The following MARCHF4 variants were observed in gnomAD, a reference collection of about 807,000 sequenced individuals.
MARCHF4 encodes the protein E3 ubiquitin-protein ligase MARCHF4.
Under a neutral mutation model 43.9 loss-of-function variants are expected in MARCHF4, and 14 were observed. The ratio of observed to expected loss-of-function variants is 0.32; its 90% CI spans 0.21 to 0.50. The LOEUF (loss-of-function observed/expected upper bound fraction) is 0.50, where lower values mean the gene tolerates loss of function less well. Among genes scored for constraint, MARCHF4 ranks in the 20% least tolerant of loss-of-function variants. The pLI, the probability that MARCHF4 is intolerant of heterozygous loss-of-function variation, is 0.98. For missense variants in MARCHF4, 468 were observed against 536.7 expected, an observed-to-expected ratio of 0.87 and a Z score of 1.27; for synonymous variants, 226 against 213.3, an observed-to-expected ratio of 1.06 and a Z score of -0.52.
chr2:216,339,995 C>T (rs74988404), intron 1 of MARCHF4, among the ~76,000 whole-genome samples: 2,709 of 152,176 alleles, frequency 0.018, 35 homozygotes, highest in Middle Eastern at 0.034. Context: ...CTCCCCAGCA[C>T]CCACCCCCTT....
intron 1 of MARCHF4, among the ~76,000 whole-genome samples, chr2:216,332,194 C>G (rs1022282558): frequency 1.3e-5 from 2 of 152,048 alleles, no homozygotes; most frequent in Admixed American, 1.3e-4. Flanking sequence ...AATTTGAGAT[C>G]AGCCTGGGCA....
rs747489777 is a variant in MARCHF4 at position 216,259,333 on chromosome 2, G to T, written c.1212C>A (p.Val404=). 10 of 1,559,090 alleles carry T rather than the reference G, an allele frequency of 6.4e-6. No individual in the cohort carries two copies. The highest frequency in any genetic ancestry group is 1.2e-5 in the South Asian group (1 of 82,144). The change falls in exon 4 of 4, where the codon GTC becomes GTA. Residue 404 remains valine (V), a synonymous_variant. Coordinates refer to ENST00000273067, the MANE Select transcript of MARCHF4 (RefSeq NM_020814.3). ...GCTCTCACACTGTCGTGACTCTCATGACCAGCTCTCGGCTGCTGCCTGGGG... is the reference window on the plus strand; with the variant it reads ...GCTCTCACACTGTCGTGACTCTCATTACCAGCTCTCGGCTGCTGCCTGGGG... ...RSPPGSSREL[V]MRVTTV is the part of the protein sequence containing the mutation.
At chr2:216,305,675 C>G (rs544725242) in intron 1 of MARCHF4, among the ~76,000 whole-genome samples, 1 of 152,306 alleles carries the variant, frequency 6.6e-6, no homozygotes, top group South Asian at 2.1e-4. Context: ...GACTCAGACT[C>G]TATGGCCAAG....
At chr2:216,367,884 C>T (rs1692690799) in intron 1 of MARCHF4, among the ~76,000 whole-genome samples, 1 of 152,070 alleles carries the variant, frequency 6.6e-6, no homozygotes, top group African/African-American at 2.4e-5. Flanking sequence ...TAAATTCCTT[C>T]CAAGATATTT....
At chr2:216,287,628 G>A (rs7599806) in intron 1 of MARCHF4, among the ~76,000 whole-genome samples, 44,968 of 126,628 alleles carry the variant, frequency 0.36, 8,831 homozygotes, top group Non-Finnish European at 0.43. Context: ...TCACACACCC[G>A]GGACTGTTGT....
chr2:216,337,742 G>A (rs919986117), intron 1 of MARCHF4, among the ~76,000 whole-genome samples: 8 of 151,836 alleles, frequency 5.3e-5, no homozygotes, highest in Admixed American at 1.3e-4. Context: ...TTTAAATTTG[G>A]TTAGCGACCT....
chr2:216,264,045 C>A (rs1236008698), intron 3 of MARCHF4, among the ~76,000 whole-genome samples: 1 of 152,090 alleles, frequency 6.6e-6, no homozygotes, highest in Non-Finnish European at 1.5e-5. Context: ...GTCACCCCAG[C>A]CTCCTGGTGC....
chr2:216,358,585 A>ACTT (rs1251778201), intron 1 of MARCHF4, among the ~76,000 whole-genome samples: 3 of 152,150 alleles, frequency 2.0e-5, no homozygotes, highest in African/African-American at 7.2e-5. Flanking sequence ...AAGAGCAAAT[A>ACTT]AGAACAATCA....
intron 1 of MARCHF4, among the ~76,000 whole-genome samples, chr2:216,296,563 G>T (rs1161656622): frequency 6.6e-6 from 1 of 152,142 alleles, no homozygotes; most frequent in Non-Finnish European, 1.5e-5. Context: ...GCAACTGGGG[G>T]TTTTGTTTTG....
At chr2:216,284,332 G>A (rs1297309518) in intron 1 of MARCHF4, among the ~76,000 whole-genome samples, 1 of 152,186 alleles carries the variant, frequency 6.6e-6, no homozygotes, top group African/African-American at 2.4e-5. Flanking sequence ...TGGAATCAGA[G>A]AGGCAGAGGA....
intron 1 of MARCHF4, among the ~76,000 whole-genome samples, chr2:216,326,239 T>C (rs1049666499): frequency 9.2e-5 from 14 of 152,204 alleles, no homozygotes; most frequent in Admixed American, 2.6e-4. Flanking sequence ...ATCAGAGAAA[T>C]GCAAATCAAA....
intron 1 of MARCHF4, among the ~76,000 whole-genome samples, chr2:216,357,529 T>C (rs966364914): frequency 6.6e-6 from 1 of 152,212 alleles, no homozygotes; most frequent in African/African-American, 2.4e-5. Context: ...CTATACTGCC[T>C]AGTCTGGTCA....
At chr2:216,291,682 T>G (rs1309894606) in intron 1 of MARCHF4, among the ~76,000 whole-genome samples, 1 of 152,250 alleles carries the variant, frequency 6.6e-6, no homozygotes. Flanking sequence ...TTGATCAATT[T>G]TCTGGCTTCC....
chr2:216,329,094 C>T (rs1473286080), intron 1 of MARCHF4, among the ~76,000 whole-genome samples: 1 of 151,522 alleles, frequency 6.6e-6, no homozygotes, highest in Non-Finnish European at 1.5e-5. Context: ...AAAATAAAAA[C>T]ACCCGGCCGG....
chr2:216,282,539 C>T (rs181526462), intron 2 of MARCHF4, among the ~76,000 whole-genome samples: 2 of 152,134 alleles, frequency 1.3e-5, no homozygotes, highest in Non-Finnish European at 2.9e-5. Context: ...TCCTCACTCT[C>T]GTGCTCACTA....
intron 1 of MARCHF4, among the ~76,000 whole-genome samples, chr2:216,323,524 C>A (rs1209794862): frequency 1.3e-5 from 2 of 152,176 alleles, no homozygotes; most frequent in Non-Finnish European, 2.9e-5. Context: ...TTTTCAGCAT[C>A]ACACCACACC....
At chr2:216,324,783 C>T (rs200770820) in intron 1 of MARCHF4, among the ~76,000 whole-genome samples, 1 of 115,100 alleles carries the variant, frequency 8.7e-6, no homozygotes, top group African/African-American at 4.0e-5. Context: ...GCTAAAAACT[C>T]TCAATAAATT....
At chr2:216,320,397 A>G (rs957883472) in intron 1 of MARCHF4, among the ~76,000 whole-genome samples, 11 of 152,164 alleles carry the variant, frequency 7.2e-5, no homozygotes, top group African/African-American at 2.7e-4. Flanking sequence ...AACTCATTCA[A>G]TCCTTTGGGG....
chr2:216,300,346 A>ATG (rs1559093166), intron 1 of MARCHF4, among the ~76,000 whole-genome samples: 2,291 of 142,418 alleles, frequency 0.016, 96 homozygotes, highest in African/African-American at 0.058. Flanking sequence ...CGATATATAT[A>ATG]TATGTATATA....
Sources: allele counts gnomAD v4.1 joint callset (sites outside exome capture counted in the v4.1 genomes callset), GRCh38; gene constraint gnomAD v4.1.1; transcripts MANE v1.5; gene names NCBI Gene and HGNC (gene_info 2026-07-23, HGNC 2026-07-21).